Variants in SLC39A10 observed in about 807,000 individuals in gnomAD.
SLC39A10 encodes solute carrier family 39 member 10, also known as zinc transporter ZIP10.
In SLC39A10, 13 loss-of-function variants were observed where a neutral mutation model predicts 65.1. That is an observed-to-expected ratio of 0.20 (90% CI 0.13 to 0.32). The LOEUF (loss-of-function observed/expected upper bound fraction) is 0.32, where lower values mean the gene tolerates loss of function less well. Among genes scored for constraint, SLC39A10 ranks in the 10% least tolerant of loss-of-function variants. The probability of loss-of-function intolerance (pLI) is 1.00; values close to 1 mark genes in which losing one functional copy is unlikely to be tolerated. For synonymous variants in SLC39A10, 321 were observed against 342.2 expected, an observed-to-expected ratio of 0.94 and a Z score of 0.68; for missense variants, 831 against 1,018.4, an observed-to-expected ratio of 0.82 and a Z score of 2.50.
intron 2 of SLC39A10, among the ~76,000 whole-genome samples, chr2:195,646,651 C>G (rs530913754): frequency 6.7e-5 from 9 of 134,634 alleles, no homozygotes; most frequent in Non-Finnish European, 1.6e-5. Context: ...CCCCTACAGA[C>G]CCGGTAAGGC....
At chr2:195,653,997 G>A (rs1401178937), upstream of SLC39A10, among the ~76,000 whole-genome samples, 1 of 152,170 alleles carries the variant, frequency 6.6e-6, no homozygotes, top group Non-Finnish European at 1.5e-5. Flanking sequence ...GGAGTGCAAT[G>A]GCATGATCTC....
intron 5 of SLC39A10, among the ~76,000 whole-genome samples, chr2:195,711,178 A>G (rs1691590952): frequency 6.6e-6 from 1 of 152,212 alleles, no homozygotes; most frequent in Admixed American, 6.5e-5. Flanking sequence ...GTGACAATCT[A>G]AGATCTGAAA....
intron 2 of SLC39A10, among the ~76,000 whole-genome samples, chr2:195,634,862 A>G (rs569386931): frequency 7.9e-5 from 12 of 152,260 alleles, no homozygotes; most frequent in Admixed American, 5.2e-4. Context: ...TGCCAGGCCA[A>G]CATGGTGCAA....
At chr2:195,646,052 T>C (rs186309258) in intron 2 of SLC39A10, among the ~76,000 whole-genome samples, 1 of 152,208 alleles carries the variant, frequency 6.6e-6, no homozygotes, top group African/African-American at 2.4e-5. Flanking sequence ...GCTCAAGCGA[T>C]CTTCCCACCT....
rs149393599 is a variant in SLC39A10, at chr2:195,716,328, C to G, written c.1697-309C>G. Among the ~76,000 whole-genome samples the G allele has an allele frequency of 1.4e-3, 211 of 152,248 alleles. 1 individual carries two copies. The highest frequency in any genetic ancestry group is 5.0e-3 in the African/African-American group (208 of 41,530). ...ATCTTCATGCTTTCCAGTTTTTCTC[C>G]TCACTTTGCCTGCTTTTGATTTCAG... On this transcript the variant is annotated intron_variant, in intron 6 of 9. Coordinates refer to ENST00000359634, the MANE Select transcript of SLC39A10 (RefSeq NM_020342.3).
chr2:195,682,222 G>T (rs1225139073), intron 2 of SLC39A10, among the ~76,000 whole-genome samples: 1 of 152,012 alleles, frequency 6.6e-6, no homozygotes, highest in Non-Finnish European at 1.5e-5. Flanking sequence ...AAAACTTGTT[G>T]AGTTTGTTGT....
chr2:195,655,606 C>A (rs1301712761), upstream of SLC39A10, among the ~76,000 whole-genome samples: 2 of 152,122 alleles, frequency 1.3e-5, no homozygotes, highest in East Asian at 1.9e-4. Context: ...TTAAAACGAT[C>A]CCCTTAATTT....
At chr2:195,674,117 T>A (rs1164694072) in intron 1 of SLC39A10, among the ~76,000 whole-genome samples, 2 of 152,208 alleles carry the variant, frequency 1.3e-5, no homozygotes, top group Non-Finnish European at 2.9e-5. Context: ...TTTTAAAAAT[T>A]ATATTTCTGA....
At chr2:195,636,679 G>C (rs1460570598) in intron 2 of SLC39A10, among the ~76,000 whole-genome samples, 1 of 152,128 alleles carries the variant, frequency 6.6e-6, no homozygotes, top group African/African-American at 2.4e-5. Context: ...CTTGAACCTG[G>C]GAGGCGGAGC....
chr2:195,626,926 A>G (rs1688486109), intron 2 of SLC39A10, among the ~76,000 whole-genome samples: 1 of 152,212 alleles, frequency 6.6e-6, no homozygotes, highest in Non-Finnish European at 1.5e-5. Flanking sequence ...AAATAGTTGT[A>G]GCCTGGAGAT....
At chr2:195,632,666 T>A (rs1469726071) in intron 2 of SLC39A10, among the ~76,000 whole-genome samples, 2 of 152,196 alleles carry the variant, frequency 1.3e-5, no homozygotes. Context: ...CGATTCATGG[T>A]TTCATCCATT....
At chr2:195,634,741 A>C (rs1305886241) in intron 2 of SLC39A10, among the ~76,000 whole-genome samples, 1 of 152,178 alleles carries the variant, frequency 6.6e-6, no homozygotes, top group African/African-American at 2.4e-5. Flanking sequence ...GTGTTGAGTA[A>C]TTCAGTGGTT....
rs1005867124 is a variant in SLC39A10 at position 195,685,999 on chromosome 2, A to T, written c.1216+2093A>T. ...CTCAAAATTAGTTGGATTTTCATGA[A>T]CTTTTTTACCATGAAGTAATGAAAA... On this transcript the variant is annotated intron_variant, in intron 3 of 9. Coordinates refer to ENST00000359634, the MANE Select transcript of SLC39A10 (RefSeq NM_020342.3). Among the ~76,000 whole-genome samples, 11 of 152,192 alleles carry T rather than the reference A, an allele frequency of 7.2e-5. 1 individual carries two copies. Among genetic ancestry groups the T allele is most frequent in the African/African-American group, 2.7e-4 (11 of 41,442 alleles).
chr2:195,701,601 G>C (rs1357255665), intron 3 of SLC39A10, among the ~76,000 whole-genome samples: 1 of 148,480 alleles, frequency 6.7e-6, no homozygotes, highest in African/African-American at 2.5e-5. Context: ...AATTGTGTTT[G>C]TTTGTTATTA....
intron 3 of SLC39A10, among the ~76,000 whole-genome samples, chr2:195,705,041 G>A (rs552346258): frequency 1.5e-4 from 23 of 152,126 alleles, no homozygotes; most frequent in East Asian, 1.9e-4. Flanking sequence ...CAAGCTATCC[G>A]CCTGCCTCAG....
At chr2:195,681,368 T>C (rs1690310046) in intron 2 of SLC39A10, among the ~76,000 whole-genome samples, 1 of 151,818 alleles carries the variant, frequency 6.6e-6, no homozygotes, top group South Asian at 2.1e-4. Context: ...CTACTAAAAA[T>C]ACAAAAAATT....
At chr2:195,632,515 T>C (rs1427681782) in intron 2 of SLC39A10, among the ~76,000 whole-genome samples, 2 of 151,848 alleles carry the variant, frequency 1.3e-5, no homozygotes, top group Non-Finnish European at 2.9e-5. Flanking sequence ...GCCAGGCTGG[T>C]CTCAAACTCC....
intron 2 of SLC39A10, among the ~76,000 whole-genome samples, chr2:195,640,772 C>T (rs1440721026): frequency 6.6e-6 from 1 of 152,086 alleles, no homozygotes; most frequent in Non-Finnish European, 1.5e-5. Context: ...TCATTTTGTT[C>T]TCTGATCATT....
In SLC39A10 at chr2:195,735,023, G is replaced by A; in HGVS notation, c.2478G>A (p.Val826=). The change falls in exon 10 of 10, where the codon GTG becomes GTA. Residue 826 remains valine, a synonymous_variant. Transcript: ENST00000359634. The part of the protein sequence containing the change: ...LVIALYEDKI[V]FDIQF ...TTGCCCTCTATGAAGATAAAATTGT[G>A]TTTGACATCCAGTTTTGACCTTTCC... 6 of 1,609,364 alleles carry A rather than the reference G, an allele frequency of 3.7e-6. No individual in the cohort carries two copies. In the South Asian group the frequency reaches 6.7e-5, roughly 18 times the overall value.
Sources: gnomAD v4.1 joint callset for allele counts (sites outside exome capture counted in the v4.1 genomes callset) on GRCh38, gnomAD v4.1.1 for gene constraint, MANE v1.5 for transcripts, NCBI Gene and HGNC (gene_info 2026-07-23, HGNC 2026-07-21) for gene names.